HERC1: variants seen among roughly 807,000 people sequenced by gnomAD.
HERC1 encodes the protein probable E3 ubiquitin-protein ligase HERC1.
In HERC1, 160 loss-of-function variants were observed where a neutral mutation model predicts 554.3. That is an observed-to-expected ratio of 0.29 (90% CI 0.25 to 0.33). The LOEUF (loss-of-function observed/expected upper bound fraction) is 0.33, where lower values mean the gene tolerates loss of function less well. Ranked by LOEUF, HERC1 falls within the 10% of genes least tolerant of loss-of-function variation. The pLI, the probability that HERC1 is intolerant of heterozygous loss-of-function variation, is 1.00. For missense variants in HERC1, 4,919 were observed against 5,918.5 expected (o/e 0.83, Z 5.54); for synonymous variants, 2,175 against 2,131.7 (o/e 1.02, Z -0.56).
chr15:63,829,738 T>C (rs576269301), intron 1 of HERC1, among the ~76,000 whole-genome samples: 3 of 151,524 alleles, frequency 2.0e-5, no homozygotes, highest in African/African-American at 7.3e-5. Flanking sequence ...AGTAGTCGAC[T>C]CCAGGACTGG....
At chr15:63,683,058 A>G (rs1479488920) in intron 34 of HERC1, among the ~76,000 whole-genome samples, 1 of 150,298 alleles carries the variant, frequency 6.7e-6, no homozygotes, top group Non-Finnish European at 1.5e-5. Flanking sequence ...ATCCCTTGAA[A>G]CTGGCAGGTG....
chr15:63,747,275 C>T (rs1346546227), intron 11 of HERC1, among the ~76,000 whole-genome samples, 192 bp from the exon 12 acceptor site: 1 of 152,068 alleles, frequency 6.6e-6, no homozygotes, highest in African/African-American at 2.4e-5. Context: ...GCCTGGCCAA[C>T]ATGGCAAAAC....
In HERC1 at chr15:63,727,546, G is replaced by T. The variant is rs756022131; in HGVS notation, c.3346+101C>A. The T allele has an allele frequency of 3.8e-5, 28 of 731,410 alleles. No individual in the cohort carries two copies. Among genetic ancestry groups the T allele is most frequent in the Non-Finnish European group, 5.6e-5 (26 of 462,884 alleles). The allele number at this position is 731,410 out of a possible 1,614,324, so 45.3% of individuals were successfully genotyped here. A position where few individuals can be genotyped will look rare whatever the true frequency, so the allele number is the denominator to read the frequency against. On this transcript the variant is annotated intron_variant, in intron 17 of 77. Coordinates refer to ENST00000443617, the MANE Select transcript of HERC1 (RefSeq NM_003922.4). The surrounding 1 kb of genome is among the most constrained non-coding windows in gnomAD (Gnocchi z 4.3). ...TTTCAGTGATGAAATTCCTTTGATA[G>T]CCTTAGGATAGATAGACTCCAATGG...
rs576849421 is a variant in HERC1 at position 63,775,159 on chromosome 15, A to G, written c.465T>C (p.Asp155=). The G allele has an allele frequency of 5.6e-6, 9 of 1,614,034 alleles. No individual in the cohort carries two copies. In the African/African-American group the frequency reaches 1.1e-4, roughly 19 times the overall value. ...SVSERPRSST[D]ALIEMGVRTG... Reference sequence around the variant, plus strand: ...TTCGAACACCCATTTCTATAAGTGCATCAGTGCTTGACCGGGGGCGTTCAC... The same window carrying G: ...TTCGAACACCCATTTCTATAAGTGCGTCAGTGCTTGACCGGGGGCGTTCAC... The change falls in exon 2 of 78, where the codon GAT becomes GAC. Residue 155 remains aspartate (D), a synonymous_variant. Coordinates refer to ENST00000443617, the MANE Select transcript of HERC1 (RefSeq NM_003922.4). This position sits in a 1 kb window ranked among gnomAD's most constrained non-coding sequence, Gnocchi z 4.0.
chr15:63,650,465 G>C lies in HERC1; in HGVS notation c.10547-540C>G, dbSNP rs531053951. 6.6e-5 allele frequency among the ~76,000 whole-genome samples: 10 copies of C among 151,468 alleles called. 1 individual carries two copies. In the South Asian group the frequency reaches 2.1e-3, roughly 32 times the overall value. ...GTCTTGCTGTGTTGCCCAGGTTGGA[G>C]TGAGTACAATGGCATGATCATGGCT... On this transcript the variant is annotated intron_variant, in intron 53 of 77. Transcript: ENST00000443617.
chr15:63,822,852 T>G (rs1440129114), intron 1 of HERC1, among the ~76,000 whole-genome samples: 1 of 152,110 alleles, frequency 6.6e-6, no homozygotes, highest in Non-Finnish European at 1.5e-5. Context: ...CCAAGATGAT[T>G]TGCTAATAGA....
At chr15:63,782,335 T>C (rs1054947085) in intron 1 of HERC1, among the ~76,000 whole-genome samples, 5 of 152,212 alleles carry the variant, frequency 3.3e-5, no homozygotes, top group African/African-American at 1.2e-4. Flanking sequence ...TTTTACATTC[T>C]GAAAAACCTA....
At chr15:63,658,018 A>G (rs2070144664) in intron 48 of HERC1, among the ~76,000 whole-genome samples, 1 of 152,250 alleles carries the variant, frequency 6.6e-6, no homozygotes, top group Non-Finnish European at 1.5e-5. Flanking sequence ...TTGAGCCAAT[A>G]GCACACAGTC....
At chr15:63,690,095 G>A (rs773396716) in intron 32 of HERC1, among the ~76,000 whole-genome samples, 5 of 151,256 alleles carry the variant, frequency 3.3e-5, no homozygotes, top group South Asian at 2.1e-4. Context: ...CCCAGGAGGC[G>A]GAGGCTGCAG....
intron 75 of HERC1, 42 bp downstream of exon 75, chr15:63,616,388 G>A (rs62012820): frequency 6.3e-7 from 1 of 1,586,816 alleles, no homozygotes; most frequent in Non-Finnish European, 8.6e-7. Flanking sequence ...TGTGCATATA[G>A]GACGTCAACA....
intron 1 of HERC1, among the ~76,000 whole-genome samples, chr15:63,814,349 C>T (rs1225205195): frequency 2.0e-5 from 3 of 152,038 alleles, no homozygotes; most frequent in African/African-American, 7.3e-5. Context: ...TGACCCAAAT[C>T]CTCATCTCAA....
At chr15:63,729,157 G>A in intron 16 of HERC1, 79 bp downstream of exon 16, 2 of 1,265,190 alleles carry the variant, frequency 1.6e-6, no homozygotes, top group Non-Finnish European at 1.1e-6. Context: ...GAGGCTTCTG[G>A]CTCTCTTAAG....
intron 70 of HERC1, among the ~76,000 whole-genome samples, chr15:63,626,433 T>G (rs1183940709): frequency 6.6e-6 from 1 of 152,228 alleles, no homozygotes; most frequent in East Asian, 1.9e-4. Flanking sequence ...CCATTTTATT[T>G]AACAATAGAA....
At position 63,756,173 on chromosome 15, in the gene HERC1, G is replaced by A. The variant is rs1219043976; in HGVS notation, c.1533+264C>T. 6.6e-6 allele frequency among the ~76,000 whole-genome samples: 1 copy of A among 152,168 alleles called. No individual in the cohort carries two copies. Among genetic ancestry groups the A allele is most frequent in the African/African-American group, 2.4e-5 (1 of 41,446 alleles). Reference sequence around the variant, plus strand: ...GCCTGACACTTCAAAAGTGCTAAATGTTTGTTAAATGAATGACTCTCAGTT... The same window carrying A: ...GCCTGACACTTCAAAAGTGCTAAATATTTGTTAAATGAATGACTCTCAGTT... On this transcript the variant is annotated intron_variant, in intron 5 of 77. Coordinates refer to ENST00000443617, the MANE Select transcript of HERC1 (RefSeq NM_003922.4). This position sits in a 1 kb window ranked among gnomAD's most constrained non-coding sequence, Gnocchi z 5.0.
intron 31 of HERC1, among the ~76,000 whole-genome samples, chr15:63,691,387 G>C (rs1042177807): frequency 6.6e-6 from 1 of 151,892 alleles, no homozygotes; most frequent in Non-Finnish European, 1.5e-5. Context: ...GATCACTTGA[G>C]CCTGGAAGTG....
At chr15:63,660,191 G>C (rs1212618954) in intron 46 of HERC1, among the ~76,000 whole-genome samples, 1 of 152,038 alleles carries the variant, frequency 6.6e-6, no homozygotes, top group East Asian at 1.9e-4. Flanking sequence ...ATGGTGGTGT[G>C]TGCCTGTAAT....
intron 24 of HERC1, among the ~76,000 whole-genome samples, chr15:63,708,132 C>T (rs949741503): frequency 6.6e-6 from 1 of 151,900 alleles, no homozygotes; most frequent in Non-Finnish European, 1.5e-5. Context: ...GGATAAAACA[C>T]CAAATAGTCA....
chr15:63,772,354 G>A (rs1289129158), intron 2 of HERC1, among the ~76,000 whole-genome samples: 1 of 151,896 alleles, frequency 6.6e-6, no homozygotes, highest in Non-Finnish European at 1.5e-5. Flanking sequence ...CACACCATTG[G>A]CAAACATTTA....
chr15:63,645,079 T>C lies in HERC1; in HGVS notation c.11097A>G (p.Leu3699=), dbSNP rs1450986722. 2.5e-6 allele frequency: 4 copies of C among 1,613,606 alleles called. No homozygotes were observed. Among genetic ancestry groups the C allele is most frequent in the African/African-American group, 2.7e-5 (2 of 74,914 alleles). Reference sequence around the variant, plus strand: ...CTTGAGGAATGCGCCAAACACATACTAAGCCACTCTGACAGCCACTTAAAA... The same window carrying C: ...CTTGAGGAATGCGCCAAACACATACCAAGCCACTCTGACAGCCACTTAAAA... ...LLMATGCQSG[L]VCVWRIPQDT... The change falls in exon 57 of 78, where the codon TTA becomes TTG. Residue 3699 remains leucine (L), a synonymous_variant. Transcript: ENST00000443617.
Sources: gnomAD v4.1 joint callset for allele counts (sites outside exome capture counted in the v4.1 genomes callset) on GRCh38, gnomAD v4.1.1 for gene constraint, Gnocchi (gnomAD v3.1) non-coding constraint, MANE v1.5 for transcripts, NCBI Gene and HGNC (gene_info 2026-07-23, HGNC 2026-07-21) for gene names.